Variants in PLXDC2 observed in about 807,000 individuals in gnomAD.
The protein encoded by PLXDC2 is plexin domain containing 2.
A neutral mutation model predicts 68.9 loss-of-function variants in PLXDC2; 40 were observed. That is an observed-to-expected ratio of 0.58 (90% CI 0.45 to 0.76). PLXDC2 has a LOEUF of 0.76. Ranked by LOEUF, PLXDC2 falls within the 30% of genes least tolerant of loss-of-function variation. PLXDC2 has a pLI of 0.00. For missense variants in PLXDC2, 644 were observed against 661.9 expected (o/e 0.97, Z 0.30); for synonymous variants, 243 against 234.2 (o/e 1.04, Z -0.34).
At chr10:19,823,052 A>T (rs1164296213) in intron 1 of PLXDC2, among the ~76,000 whole-genome samples, 32 of 151,870 alleles carry the variant, frequency 2.1e-4, no homozygotes, top group African/African-American at 5.8e-4. Context: ...AGTAGCTGGG[A>T]CTACAGGCAC....
intron 10 of PLXDC2, among the ~76,000 whole-genome samples, chr10:20,213,486 C>A (rs1323114375): frequency 6.6e-6 from 1 of 152,002 alleles, no homozygotes; most frequent in Non-Finnish European, 1.5e-5. Flanking sequence ...TTCTTCTTCA[C>A]AAGTGTTTGG....
chr10:20,106,526 C>A (rs768690880), intron 4 of PLXDC2, among the ~76,000 whole-genome samples: 15 of 152,166 alleles, frequency 9.9e-5, no homozygotes, highest in Admixed American at 2.0e-4. Context: ...CCTCTAACCC[C>A]CTTCACCAAG....
At chr10:20,167,034 A>G (rs911050544) in intron 7 of PLXDC2, among the ~76,000 whole-genome samples, 3 of 152,186 alleles carry the variant, frequency 2.0e-5, no homozygotes, top group Non-Finnish European at 4.4e-5. Context: ...CACAATTTGC[A>G]TACTGGAAAA....
In PLXDC2 at chr10:20,266,644, CT is replaced by C. The variant is rs748603920; in HGVS notation, c.1474-13054del. ...ACCGGAGATTAGGAGATTTAGAATT[CT>C]TTTTCATTTGTTAGAGTAGGCAGAA... On this transcript the variant is annotated intron_variant, in intron 13 of 13. Coordinates refer to ENST00000377252, the MANE Select transcript of PLXDC2 (RefSeq NM_032812.9). Among the ~76,000 whole-genome samples the C allele has an allele frequency of 2.6e-5, 4 of 152,162 alleles. No homozygotes were observed. In the East Asian group the frequency reaches 7.7e-4, roughly 29 times the overall value.
intron 4 of PLXDC2, among the ~76,000 whole-genome samples, chr10:20,086,884 A>T (rs1041235721): frequency 6.6e-6 from 1 of 152,198 alleles, no homozygotes; most frequent in Non-Finnish European, 1.5e-5. Context: ...CATGGCTTGT[A>T]TTAAAAGCAA....
At chr10:20,203,124 A>G (rs1452837376) in intron 9 of PLXDC2, among the ~76,000 whole-genome samples, 2 of 152,168 alleles carry the variant, frequency 1.3e-5, no homozygotes, top group East Asian at 3.9e-4. Flanking sequence ...AAAACAGACT[A>G]GTTATAAAGA....
At position 20,287,283 on chromosome 10, in the gene PLXDC2, G is replaced by A. The variant is rs1010379952; in HGVS notation, c.*7464G>A. 6.6e-6 allele frequency: 1 copy of A among 152,156 alleles called. No homozygotes were observed. Among genetic ancestry groups the A allele is most frequent in the Non-Finnish European group, 1.5e-5 (1 of 68,000 alleles). The allele number at this position is 152,156 out of a possible 1,614,324, so 9.4% of individuals were successfully genotyped here. On this transcript the variant is annotated 3_prime_UTR_variant, in exon 14 of 14. Coordinates refer to ENST00000377252, the MANE Select transcript of PLXDC2 (RefSeq NM_032812.9). Reference sequence around the variant, plus strand: ...TTATGTGACTTGCCCTAGAGAATTAGTGAATGACCAAAAAGAGACTTTCCA... The same window carrying A: ...TTATGTGACTTGCCCTAGAGAATTAATGAATGACCAAAAAGAGACTTTCCA...
At chr10:20,060,948 C>T (rs10827940) in intron 3 of PLXDC2, among the ~76,000 whole-genome samples, 117,665 of 152,092 alleles carry the variant, frequency 0.77, 45,857 homozygotes, top group East Asian at 0.9. Context: ...GTCTTAGCTC[C>T]AATGCCTACT....
At chr10:19,842,876 T>C (rs1352285459) in intron 1 of PLXDC2, among the ~76,000 whole-genome samples, 2 of 152,176 alleles carry the variant, frequency 1.3e-5, no homozygotes, top group African/African-American at 4.8e-5. Flanking sequence ...TTTGACGTCA[T>C]GTTTATATTA....
intron 2 of PLXDC2, among the ~76,000 whole-genome samples, chr10:20,013,976 C>T (rs1432023127): frequency 6.6e-6 from 1 of 152,052 alleles, no homozygotes; most frequent in East Asian, 1.9e-4. Flanking sequence ...TGTGCTAGAA[C>T]AAAATTATAA....
At chr10:20,261,719 T>C (rs949470153) in intron 13 of PLXDC2, among the ~76,000 whole-genome samples, 1 of 151,942 alleles carries the variant, frequency 6.6e-6, no homozygotes, top group African/African-American at 2.4e-5. Context: ...CCGGGGGTGG[T>C]AGCGCATGCC....
At chr10:20,052,471 A>C (rs921341100) in intron 3 of PLXDC2, among the ~76,000 whole-genome samples, 2 of 152,188 alleles carry the variant, frequency 1.3e-5, no homozygotes, top group Non-Finnish European at 2.9e-5. Context: ...GTCCACATGC[A>C]ACAAACACAC....
chr10:20,108,825 A>G (rs1314399474), intron 4 of PLXDC2, among the ~76,000 whole-genome samples: 1 of 152,188 alleles, frequency 6.6e-6, no homozygotes, highest in Non-Finnish European at 1.5e-5. Context: ...ATGAATATCA[A>G]GTTTGTAATA....
intron 2 of PLXDC2, among the ~76,000 whole-genome samples, chr10:20,044,402 C>T (rs930135946): frequency 6.6e-6 from 1 of 151,306 alleles, no homozygotes; most frequent in African/African-American, 2.4e-5. Flanking sequence ...ACTCCGCCTC[C>T]CAAGTTCAAG....
At chr10:20,017,922 G>A (rs963065963) in intron 2 of PLXDC2, among the ~76,000 whole-genome samples, 1 of 152,192 alleles carries the variant, frequency 6.6e-6, no homozygotes, top group Non-Finnish European at 1.5e-5. Flanking sequence ...GAATAGTGGG[G>A]CATGGGGACC....
At chr10:20,028,917 G>C (rs1835453180) in intron 2 of PLXDC2, among the ~76,000 whole-genome samples, 1 of 152,014 alleles carries the variant, frequency 6.6e-6, no homozygotes, top group Non-Finnish European at 1.5e-5. Flanking sequence ...TCAGACTTTC[G>C]GGACAGACAT....
At chr10:20,246,204 A>G (rs1170935082) in intron 13 of PLXDC2, among the ~76,000 whole-genome samples, 1 of 152,230 alleles carries the variant, frequency 6.6e-6, no homozygotes, top group Non-Finnish European at 1.5e-5. Flanking sequence ...GGGGCTGTGC[A>G]TAAGGAGCCA....
At chr10:20,210,278 T>C (rs1257111141) in intron 9 of PLXDC2, among the ~76,000 whole-genome samples, 1 of 152,120 alleles carries the variant, frequency 6.6e-6, no homozygotes, top group Non-Finnish European at 1.5e-5. Context: ...TATAAGAATA[T>C]AGTATAATAA....
intron 1 of PLXDC2, among the ~76,000 whole-genome samples, chr10:19,937,544 G>GTGTATATA (rs1283000294): frequency 8.3e-5 from 8 of 95,980 alleles, no homozygotes; most frequent in Non-Finnish European, 1.2e-4. Flanking sequence ...TATAGTCAAT[G>GTGTATATA]TATATATATA....
Sources: allele counts gnomAD v4.1 joint callset (sites outside exome capture counted in the v4.1 genomes callset), GRCh38; gene constraint gnomAD v4.1.1; transcripts MANE v1.5; gene names NCBI Gene and HGNC (gene_info 2026-07-23, HGNC 2026-07-21).